SPTB: variants seen among roughly 807,000 people sequenced by gnomAD.
SPTB encodes spectrin beta chain, erythrocytic.
Under a neutral mutation model 256.2 loss-of-function variants are expected in SPTB, and 45 were observed. That is an observed-to-expected ratio of 0.18 (90% confidence interval 0.14 to 0.23). The LOEUF is 0.23. Among genes scored for constraint, SPTB ranks in the 10% least tolerant of loss-of-function variants. SPTB has a pLI of 1.00. For synonymous variants in SPTB, 1,231 were observed against 1,243.1 expected, an observed-to-expected ratio of 0.99 and a Z score of 0.21; for missense variants, 2,715 against 3,040.4, an observed-to-expected ratio of 0.89 and a Z score of 2.52.
At chr14:64,771,511 G>GA (rs1256238620) in intron 26 of SPTB, among the ~76,000 whole-genome samples, 1 of 152,138 alleles carries the variant, frequency 6.6e-6, no homozygotes, top group African/African-American at 2.4e-5. Context: ...CTGAGATGGG[G>GA]AAAACGAGGC....
intron 2 of SPTB, among the ~76,000 whole-genome samples, chr14:64,822,334 T>C (rs547344329): frequency 1.5e-4 from 12 of 80,096 alleles, no homozygotes; most frequent in Admixed American, 1.4e-3. Context: ...AGATTTAAGA[T>C]ATTCTCCACC....
rs776627782 is a variant in SPTB at position 64,769,663 on chromosome 14, C to T, written c.5864G>A (p.Arg1955Gln). The change falls in exon 28 of 36, where the codon CGG becomes CAG. Residue 1955 changes from arginine to glutamine, a missense_variant. Physicochemically the swap from Arg to Gln is conservative, Grantham distance 43 (BLOSUM62 1). Coordinates refer to ENST00000644917, the MANE Select transcript of SPTB (RefSeq NM_001355436.2). The stretch of plus-strand genomic sequence containing the variant: ...CAGGCAGGCACTGAAGTTCTTGCTC[C>T]GGGTTTCAATCTCTGCATTGATGCC... ...HQGINAEIET[R>Q]SKNFSACLEL... 13 of 1,614,062 alleles carry T rather than the reference C, an allele frequency of 8.1e-6. No individual in the cohort carries two copies. The highest frequency in any genetic ancestry group is 6.7e-5 in the East Asian group (3 of 44,898).
chr14:64,862,842 A>C (rs1881934904), intron 1 of SPTB, among the ~76,000 whole-genome samples: 1 of 147,294 alleles, frequency 6.8e-6, no homozygotes, highest in Non-Finnish European at 1.5e-5. Context: ...AAAACAAACA[A>C]AAAGCTAAAA....
rs12587471 is a variant in SPTB, at chr14:64,825,597, A to G, written c.-51-2452T>C. Among the ~76,000 whole-genome samples the G allele has an allele frequency of 0.14, 21,815 of 152,218 alleles. 1,647 individuals are homozygous for G. The highest frequency in any genetic ancestry group is 0.18 in the African/African-American group (7,594 of 41,536). On this transcript the variant is annotated intron_variant, in intron 1 of 35. Transcript: ENST00000644917. The surrounding 1 kb of genome is among the most constrained non-coding windows in gnomAD (Gnocchi z 4.8). ...CCCCTGAGAAGGGCTGAGCTGCCAG[A>G]CGCAGGAGGTGAGGTGAGATCAGAC...
rs2757701 is a variant in SPTB, at chr14:64,837,906, G to A, written c.-51-14761C>T. ...GGATTACAGGTGTGAGCCACCGCGC[G>A]TGGCCAACAAGCTGATTTTTAAAAT... On this transcript the variant is annotated intron_variant, in intron 1 of 35. Transcript: ENST00000644917. 6.6e-5 allele frequency among the ~76,000 whole-genome samples: 10 copies of A among 152,046 alleles called. 1 individual carries two copies. Among genetic ancestry groups the A allele is most frequent in the East Asian group, 5.8e-4 (3 of 5,172 alleles).
chr14:64,783,314 G>A (rs1393205841), intron 19 of SPTB, among the ~76,000 whole-genome samples: 3 of 151,874 alleles, frequency 2.0e-5, no homozygotes, highest in African/African-American at 7.3e-5. Context: ...GCCCTTTTGT[G>A]TCTCAGTCTC....
chr14:64,839,943 T>C (rs1315062753), intron 1 of SPTB, among the ~76,000 whole-genome samples: 1 of 152,212 alleles, frequency 6.6e-6, no homozygotes, highest in Non-Finnish European at 1.5e-5. Flanking sequence ...GCATCTGAGT[T>C]GGGTGCTGAT....
In SPTB at chr14:64,779,683, G is replaced by A. The variant is rs1418847635; in HGVS notation, c.4473+42C>T. Reference sequence around the variant, plus strand: ...GCCAGCTACTCTGATGGCAGCTGGTGGCTCAGCCTCAGGAGGTAGGGAGAA... The same window carrying A: ...GCCAGCTACTCTGATGGCAGCTGGTAGCTCAGCCTCAGGAGGTAGGGAGAA... On this transcript the variant is annotated intron_variant, in intron 21 of 35. Transcript: ENST00000644917. This position sits in a 1 kb window ranked among gnomAD's most constrained non-coding sequence, Gnocchi z 4.2. 1.2e-6 allele frequency: 2 copies of A among 1,612,026 alleles called. No individual in the cohort carries two copies. The highest frequency in any genetic ancestry group is 1.7e-6 in the Non-Finnish European group (2 of 1,178,514).
intron 1 of SPTB, among the ~76,000 whole-genome samples, chr14:64,848,251 G>C (rs897437115): frequency 2.6e-5 from 4 of 152,124 alleles, no homozygotes; most frequent in Non-Finnish European, 5.9e-5. Context: ...TTGCTTTCTG[G>C]TGTCATGATC....
At chr14:64,831,047 C>T (rs187422375) in intron 1 of SPTB, among the ~76,000 whole-genome samples, 145 of 152,192 alleles carry the variant, frequency 9.5e-4, no homozygotes, top group Middle Eastern at 6.8e-3. Context: ...CCCATAGATC[C>T]CCCACTGCTT....
At chr14:64,801,908 C>T (rs2082893595) in intron 5 of SPTB, 74 bp from the exon 6 acceptor site, 3 of 1,392,588 alleles carry the variant, frequency 2.2e-6, no homozygotes, top group Admixed American at 1.7e-5. Flanking sequence ...AAATTGAGGG[C>T]CAATATACCA....
In SPTB at chr14:64,749,694, A is replaced by C; in HGVS notation, c.6779T>G (p.Leu2260Arg). The C allele has an allele frequency of 6.2e-7, 1 of 1,613,768 alleles. No individual in the cohort carries two copies. Among genetic ancestry groups the C allele is most frequent in the Non-Finnish European group, 8.5e-7 (1 of 1,179,910 alleles). ...GAAGAGCCACTCGCTGCCATTACTC[A>C]GCCTAGGAGGACAAAGGGTTTCCTG... ...KKKKHVFKLR[L>R]SNGSEWLFHG... is the part of the protein sequence containing the mutation. Residue 2260 changes from leucine to arginine, a missense_variant and splice_region_variant, in exon 35 of 36, where the codon CTG becomes CGG. By Grantham distance (102) the Leu-to-Arg change is moderately radical. Around this residue, in one of 4 missense-constraint regions of SPTB, gnomAD observed 2,239 missense variants for 2,384.4 expected, o/e 0.94. Coordinates refer to ENST00000644917, the MANE Select transcript of SPTB (RefSeq NM_001355436.2). The surrounding 1 kb of genome is among the most constrained non-coding windows in gnomAD (Gnocchi z 4.7).
chr14:64,772,568 G>T lies in SPTB; in HGVS notation c.5553+12C>A. The T allele has an allele frequency of 6.2e-7, 1 of 1,603,522 alleles. No homozygotes were observed. The highest frequency in any genetic ancestry group is 1.1e-5 in the South Asian group (1 of 91,000). ...AATTGGTAGCAGGTGGGCGGCAGGGGGCTGAAGGTACCTGGACACCCAGCA... is the reference window on the plus strand; with the variant it reads ...AATTGGTAGCAGGTGGGCGGCAGGGTGCTGAAGGTACCTGGACACCCAGCA... On this transcript the variant is annotated intron_variant, in intron 26 of 35. Transcript: ENST00000644917. The surrounding 1 kb of genome is among the most constrained non-coding windows in gnomAD (Gnocchi z 5.4).
chr14:64,772,951 G>C lies in SPTB; in HGVS notation c.5182C>G (p.Leu1728Val). 1 of 1,600,122 alleles carries C rather than the reference G, an allele frequency of 6.2e-7. No homozygotes were observed. Reference sequence around the variant, plus strand: ...GCAAAGTCCCGGAACTTGTCCCGCAGAAGCTAGGCATGGGGCAGACAGAAA... The same window carrying C: ...GCAAAGTCCCGGAACTTGTCCCGCACAAGCTAGGCATGGGGCAGACAGAAA... ...MGQDFDHVTL[L>V]RDKFRDFARE... The change falls in exon 26 of 36, where the codon CTG (leucine) becomes GTG (valine). Residue 1728 changes from leucine (L) to valine (V), a missense_variant. By Grantham distance (32) the Leu-to-Val change is conservative (BLOSUM62 1). Around this residue, in one of 4 missense-constraint regions of SPTB, gnomAD observed 2,239 missense variants for 2,384.4 expected, o/e 0.94. Transcript: ENST00000644917. This position sits in a 1 kb window ranked among gnomAD's most constrained non-coding sequence, Gnocchi z 5.4.
intron 3 of SPTB, 116 bp from the exon 4 acceptor site, chr14:64,803,896 C>A: frequency 9.1e-7 from 1 of 1,095,932 alleles, no homozygotes; most frequent in Non-Finnish European, 1.3e-6. Context: ...TGGCCAAACA[C>A]CAAGTCCCAT....
intron 1 of SPTB, among the ~76,000 whole-genome samples, chr14:64,849,888 G>A (rs2083753489): frequency 6.6e-6 from 1 of 152,118 alleles, no homozygotes. Flanking sequence ...TATGCCGCAT[G>A]GGCTGTACTC....
At chr14:64,754,042 C>T in intron 32 of SPTB, 2 of 604,868 alleles carry the variant, frequency 3.3e-6, no homozygotes, top group Non-Finnish European at 5.9e-6. Flanking sequence ...GCAGGGTGGC[C>T]CCCTCTCTCC....
chr14:64,848,842 CTT>C (rs1260276879), intron 1 of SPTB, among the ~76,000 whole-genome samples: 2 of 152,172 alleles, frequency 1.3e-5, no homozygotes, highest in Non-Finnish European at 2.9e-5. Context: ...ACATAATACT[CTT>C]GACTTATGTA....
chr14:64,769,479 A>T lies in SPTB; in HGVS notation c.5937+111T>A. 2.1e-6 allele frequency: 3 copies of T among 1,437,580 alleles called. No individual in the cohort carries two copies. The South Asian group carries it at 3.6e-5, about 17-fold the overall frequency. 89.1% of individuals were successfully genotyped at this position (1,437,580 alleles called of 1,614,324 possible). A position where few individuals can be genotyped will look rare whatever the true frequency, so the allele number is the denominator to read the frequency against. On this transcript the variant is annotated intron_variant, in intron 28 of 35. Transcript: ENST00000644917. ...CCCGATCTCCATGAGTGAGAGCAAG[A>T]CAAGCTCCTCAGAAAAGCTGCAGCT...
Sources: allele counts gnomAD v4.1 joint callset (sites outside exome capture counted in the v4.1 genomes callset), GRCh38; gene constraint gnomAD v4.1.1; regional missense constraint gnomAD v4.1.1; non-coding constraint Gnocchi (gnomAD v3.1); transcripts MANE v1.5; gene names NCBI Gene and HGNC (gene_info 2026-07-23, HGNC 2026-07-21).